GUCY2F: variants seen among roughly 807,000 people sequenced by gnomAD.
The protein encoded by GUCY2F is guanylate cyclase 2F, retinal, also known as retinal guanylyl cyclase 2.
GUCY2F carries 61 observed loss-of-function variants against 73.1 expected under a neutral mutation model. That is an observed-to-expected ratio of 0.83 (90% CI 0.68 to 1.03). GUCY2F has a LOEUF of 1.03. GUCY2F is among the 50% of genes least tolerant of loss of function. The pLI is 0.00. For missense variants in GUCY2F, 912 were observed against 854.3 expected (o/e 1.07, Z -0.84); for synonymous variants, 331 against 307.8 (o/e 1.08, Z -0.79).
intron 8 of GUCY2F, among the ~76,000 whole-genome samples, chrX:109,413,302 C>T (rs1462135290): frequency 8.9e-6 from 1 of 112,181 alleles, no homozygotes; most frequent in African/African-American, 3.2e-5. Context: ...TAGACATATA[C>T]TTTACCTCTT....
intron 8 of GUCY2F, among the ~76,000 whole-genome samples, chrX:109,417,288 A>C (rs941204504): frequency 9.0e-6 from 1 of 111,697 alleles, no homozygotes; most frequent in East Asian, 2.8e-4. Flanking sequence ...TTAACACTAT[A>C]TTATATGGTT....
chrX:109,393,102 A>T, intron 12 of GUCY2F, 47 bp from the exon 13 acceptor site: 1 of 711,634 alleles, frequency 1.4e-6, no homozygotes, highest in South Asian at 2.4e-5. Flanking sequence ...TACTCATCAA[A>T]CTCAGAGATG....
chrX:109,386,302 A>C (rs1456950555), intron 15 of GUCY2F, among the ~76,000 whole-genome samples: 2 of 111,774 alleles, frequency 1.8e-5, no homozygotes, highest in African/African-American at 6.5e-5. Flanking sequence ...AAATGGGAGG[A>C]GGTGCTTATT....
intron 9 of GUCY2F, among the ~76,000 whole-genome samples, chrX:109,407,834 C>T (rs1342087756): frequency 8.8e-6 from 1 of 113,258 alleles, no homozygotes; most frequent in South Asian, 3.6e-4. Flanking sequence ...GGAACCTCTG[C>T]CTAGATTTCA....
chrX:109,414,061 G>C (rs1449990798), intron 8 of GUCY2F, among the ~76,000 whole-genome samples: 1 of 110,172 alleles, frequency 9.1e-6, no homozygotes, highest in Non-Finnish European at 1.9e-5. Context: ...AGTGATTCTC[G>C]TGCGAATCTC....
At chrX:109,471,968 T>C (rs1208386155) in intron 2 of GUCY2F, among the ~76,000 whole-genome samples, 1 of 112,068 alleles carries the variant, frequency 8.9e-6, no homozygotes, top group East Asian at 2.8e-4. Context: ...GTAACACCTC[T>C]GCTGTTTTCC....
At chrX:109,387,192 G>T (rs1930457177) in intron 15 of GUCY2F, among the ~76,000 whole-genome samples, 1 of 111,895 alleles carries the variant, frequency 8.9e-6, no homozygotes, top group African/African-American at 3.2e-5. Flanking sequence ...GAGTGAATAA[G>T]AGACAAGAGA....
chrX:109,451,172 G>T (rs1249459525), intron 5 of GUCY2F, among the ~76,000 whole-genome samples: 1 of 111,570 alleles, frequency 9.0e-6, no homozygotes, highest in African/African-American at 3.3e-5. Flanking sequence ...GTATGGAGAG[G>T]GTCCAAGTGT....
Position 109,398,534 on chromosome X carries a change from T to C in GUCY2F, c.2275+15A>G. On this transcript the variant is annotated intron_variant, in intron 11 of 19. Coordinates refer to ENST00000218006, the MANE Select transcript of GUCY2F (RefSeq NM_001522.3). ...ATGGTGGACCCCTGGGGCCCTTTTC[T>C]CACCTCCCGCTTACCTTGAGCTGGC... 1 of 1,202,240 alleles carries C rather than the reference T, an allele frequency of 8.3e-7. No individual in the cohort carries two copies. The highest frequency in any genetic ancestry group is 3.0e-5 in the East Asian group (1 of 33,689).
chrX:109,479,397 G>A (rs902162093), intron 1 of GUCY2F, among the ~76,000 whole-genome samples: 1 of 112,055 alleles, frequency 8.9e-6, no homozygotes, highest in Non-Finnish European at 1.9e-5. Flanking sequence ...CTGGGAATCA[G>A]AAGGCCAGGG....
rs1930921577 is a variant in GUCY2F at position 109,404,323 on chromosome X, C to T, written c.2125+5G>A. ...TGCATCAGAAGGGTACAATTCATTG[C>T]TTACCTTCCATAGAAGATTCCTCTT... On this transcript the variant is annotated splice_donor_5th_base_variant and intron_variant, in intron 10 of 19. Coordinates refer to ENST00000218006, the MANE Select transcript of GUCY2F (RefSeq NM_001522.3). The T allele has an allele frequency of 8.5e-7, 1 of 1,179,072 alleles. No individual in the cohort carries two copies. Among genetic ancestry groups the T allele is most frequent in the Non-Finnish European group, 1.2e-6 (1 of 868,827 alleles).
At chrX:109,433,968 TC>T (rs1931674213) in intron 7 of GUCY2F, among the ~76,000 whole-genome samples, 2 of 110,031 alleles carry the variant, frequency 1.8e-5, no homozygotes, top group Non-Finnish European at 3.8e-5. Flanking sequence ...ATTTTTTAGC[TC>T]TGATGATCTG....
Position 109,392,909 on chromosome X carries a change from T to C in GUCY2F, c.2571A>G (p.Leu857=), listed in dbSNP as rs1458575917. ...EIEKQKTEKL[L]TQMLPPSVAE... The stretch of plus-strand genomic sequence containing the variant: ...TCACATACGGTGGTAGCATCTGTGT[T>C]AGAAGCTTTTCCGTTTTCTGTTTTT... The change falls in exon 13 of 20, where the codon CTA becomes CTG. Residue 857 remains leucine, a synonymous_variant. Transcript: ENST00000218006. 1 of 1,184,523 alleles carries C rather than the reference T, an allele frequency of 8.4e-7. No individual in the cohort carries two copies. Among genetic ancestry groups the C allele is most frequent in the South Asian group, 1.8e-5 (1 of 56,265 alleles).
At chrX:109,424,582 ATG>A (rs1252043002) in intron 8 of GUCY2F, among the ~76,000 whole-genome samples, 1 of 110,935 alleles carries the variant, frequency 9.0e-6, no homozygotes, top group African/African-American at 3.3e-5. Flanking sequence ...GGTGAAAATG[ATG>A]TGTCAGTGTA....
chrX:109,438,914 C>T (rs186259808), intron 7 of GUCY2F, among the ~76,000 whole-genome samples: 227 of 112,906 alleles, frequency 2.0e-3, no homozygotes, highest in Non-Finnish European at 3.9e-3. Flanking sequence ...CAAAATTCCA[C>T]TGGGTATTGT....
At chrX:109,455,685 G>A (rs1486752736) in intron 3 of GUCY2F, among the ~76,000 whole-genome samples, 1 of 111,181 alleles carries the variant, frequency 9.0e-6, no homozygotes, top group Non-Finnish European at 1.9e-5. Flanking sequence ...CCACAGCTCA[G>A]TCCTTGGTCC....
intron 3 of GUCY2F, among the ~76,000 whole-genome samples, chrX:109,454,476 T>A (rs371605780): frequency 4.7e-4 from 53 of 111,713 alleles, no homozygotes; most frequent in African/African-American, 1.6e-3. Context: ...CACCCAGCTA[T>A]CTAGAGCCAA....
At chrX:109,435,299 T>G (rs1931713647) in intron 7 of GUCY2F, among the ~76,000 whole-genome samples, 2 of 108,253 alleles carry the variant, frequency 1.8e-5, no homozygotes, top group Admixed American at 2.0e-4. Context: ...CTCTTTTATT[T>G]CATTGAGCAG....
chrX:109,437,716 T>C (rs1169496900), intron 7 of GUCY2F, among the ~76,000 whole-genome samples: 3 of 112,915 alleles, frequency 2.7e-5, no homozygotes, highest in Non-Finnish European at 3.7e-5. Context: ...CTTAAATTTC[T>C]CCAAGGAGAT....
Sources: gnomAD v4.1 joint callset for allele counts (sites outside exome capture counted in the v4.1 genomes callset) on GRCh38, gnomAD v4.1.1 for gene constraint, MANE v1.5 for transcripts, NCBI Gene and HGNC (gene_info 2026-07-23, HGNC 2026-07-21) for gene names.